TENM2: variants seen among roughly 807,000 people sequenced by gnomAD.
TENM2 encodes the protein teneurin-2.
TENM2 carries 52 observed loss-of-function variants against 245.2 expected under a neutral mutation model. The ratio of observed to expected loss-of-function variants is 0.21; its 90% CI spans 0.17 to 0.27. The LOEUF is 0.27. Among genes scored for constraint, TENM2 ranks in the 10% least tolerant of loss-of-function variants. TENM2 has a pLI of 1.00. For synonymous variants in TENM2, 1,363 were observed against 1,438.9 expected (o/e 0.95, Z 1.19); for missense variants, 3,046 against 3,666.8 (o/e 0.83, Z 4.37).
At chr5:168,054,769 G>A (rs1359243940) in intron 6 of TENM2, among the ~76,000 whole-genome samples, 1 of 152,136 alleles carries the variant, frequency 6.6e-6, no homozygotes, top group Non-Finnish European at 1.5e-5. Context: ...TTCAGAAATA[G>A]GTAATAGTTT....
At chr5:168,231,089 C>G (rs905791944) in intron 25 of TENM2, 1 of 152,228 alleles carries the variant, frequency 6.6e-6, no homozygotes, top group East Asian at 1.9e-4. Context: ...GGGTGATTCA[C>G]GAGAGCTTAA....
chr5:167,943,649 C>A (rs138205982), intron 3 of TENM2, among the ~76,000 whole-genome samples: 128 of 152,292 alleles, frequency 8.4e-4, no homozygotes, highest in African/African-American at 3.0e-3. Flanking sequence ...TGATGCAATT[C>A]TCTGCCTGGG....
chr5:167,221,637 A>T, the TENM2 span, among the ~76,000 whole-genome samples: 1 of 152,198 alleles, frequency 6.6e-6, no homozygotes, highest in African/African-American at 2.4e-5. Context: ...TGACATTCAC[A>T]TGTTTAATTT....
chr5:167,084,951 C>A, the TENM2 span, among the ~76,000 whole-genome samples: 242 of 152,172 alleles, frequency 1.6e-3, 2 homozygotes, highest in Non-Finnish European at 2.3e-3. Context: ...CATTAGGGCC[C>A]TAGTACATAA....
chr5:167,619,363 T>A (rs1561607406), intron 2 of TENM2, among the ~76,000 whole-genome samples: 1 of 152,146 alleles, frequency 6.6e-6, no homozygotes, highest in Non-Finnish European at 1.5e-5. Flanking sequence ...CCAGTCTTTG[T>A]CAGAGATTGG....
chr5:167,204,730 C>G, the TENM2 span, among the ~76,000 whole-genome samples: 16 of 152,266 alleles, frequency 1.1e-4, 1 homozygote, highest in South Asian at 2.7e-3. Context: ...AGATTAGAGT[C>G]CTATTTGACA....
intron 1 of TENM2, among the ~76,000 whole-genome samples, chr5:167,317,310 C>G (rs533273357): frequency 2.0e-5 from 3 of 151,814 alleles, no homozygotes; most frequent in Non-Finnish European, 2.9e-5. Context: ...TAAAACCTTC[C>G]TTTCTCAATT....
At chr5:168,165,327 T>C (rs540395032) in intron 13 of TENM2, 4 of 152,382 alleles carry the variant, frequency 2.6e-5, no homozygotes, top group South Asian at 2.1e-4. Context: ...GGCGATTTCA[T>C]TGAGCACAGC....
Position 168,137,258 on chromosome 5 carries a change from G to A in TENM2, c.2422+10292G>A, listed in dbSNP as rs571857656. Among the ~76,000 whole-genome samples, 22 of 152,230 alleles carry A rather than the reference G, an allele frequency of 1.4e-4. 1 individual carries two copies. Among genetic ancestry groups the A allele is most frequent in the Non-Finnish European group, 7.3e-5 (5 of 68,038 alleles). On this transcript the variant is annotated intron_variant, in intron 12 of 28. Coordinates refer to ENST00000518659, the Ensembl canonical transcript of TENM2. ...GTCAAATTAGCAATGAAGTTGGTTA[G>A]AGGTTGGCCCAGAAGGGTCATCTTT...
At chr5:168,252,471 G>A (rs970752326) in intron 27 of TENM2, among the ~76,000 whole-genome samples, 1 of 151,752 alleles carries the variant, frequency 6.6e-6, no homozygotes, top group East Asian at 1.9e-4. Flanking sequence ...TGGACACACT[G>A]GGATCTATAC....
At chr5:167,754,452 C>T (rs555122018) in intron 2 of TENM2, among the ~76,000 whole-genome samples, 167 of 152,226 alleles carry the variant, frequency 1.1e-3, no homozygotes, top group Non-Finnish European at 9.4e-4. Flanking sequence ...TGGATTTTAA[C>T]GCTTGTTTTA....
intron 2 of TENM2, among the ~76,000 whole-genome samples, chr5:167,481,035 A>G (rs919542353): frequency 6.6e-6 from 1 of 152,244 alleles, no homozygotes; most frequent in African/African-American, 2.4e-5. Context: ...CTACAAGCAT[A>G]TCCTCAGAAT....
the TENM2 span, among the ~76,000 whole-genome samples, chr5:167,250,177 C>T: frequency 6.6e-6 from 1 of 151,946 alleles, no homozygotes; most frequent in Non-Finnish European, 1.5e-5. Flanking sequence ...AAAGATTAGC[C>T]AGCCATGGTG....
At chr5:167,913,448 G>A (rs1390806978) in intron 3 of TENM2, among the ~76,000 whole-genome samples, 1 of 152,168 alleles carries the variant, frequency 6.6e-6, no homozygotes, top group East Asian at 1.9e-4. Flanking sequence ...TTTCTCGACA[G>A]GATATTGGCA....
intron 2 of TENM2, among the ~76,000 whole-genome samples, chr5:167,532,024 A>G (rs1296323866): frequency 1.3e-5 from 2 of 152,126 alleles, no homozygotes; most frequent in Admixed American, 1.3e-4. Context: ...ATTTTCTTCA[A>G]ACACGGATAT....
intron 6 of TENM2, among the ~76,000 whole-genome samples, chr5:168,048,398 A>T (rs761905412): frequency 6.6e-6 from 1 of 152,206 alleles, no homozygotes; most frequent in Non-Finnish European, 1.5e-5. Context: ...TAGCATCTAT[A>T]GCCACTTCAC....
At chr5:168,174,456 C>G (rs1028374251) in intron 13 of TENM2, among the ~76,000 whole-genome samples, 1 of 152,142 alleles carries the variant, frequency 6.6e-6, no homozygotes, top group Non-Finnish European at 1.5e-5. Context: ...CACAACGGTT[C>G]GTATACATCT....
chr5:167,876,603 CTTG>C (rs1471891613), intron 3 of TENM2, among the ~76,000 whole-genome samples: 5 of 151,276 alleles, frequency 3.3e-5, no homozygotes, highest in African/African-American at 4.9e-5. Flanking sequence ...TTTTTGTTTT[CTTG>C]TTGTTGTTTG....
intron 4 of TENM2, among the ~76,000 whole-genome samples, chr5:167,957,846 T>C (rs1220653516): frequency 6.6e-6 from 1 of 152,226 alleles, no homozygotes; most frequent in African/African-American, 2.4e-5. Flanking sequence ...AGACTGTTTG[T>C]TATGATTTCC....
Sources: gnomAD v4.1 joint callset for allele counts (sites outside exome capture counted in the v4.1 genomes callset) on GRCh38, gnomAD v4.1.1 for gene constraint, MANE v1.5 for transcripts, NCBI Gene and HGNC (gene_info 2026-07-23, HGNC 2026-07-21) for gene names.